Variants in GRIN2A observed in about 807,000 individuals in gnomAD.
GRIN2A encodes glutamate receptor ionotropic, NMDA 2A.
GRIN2A carries 22 observed loss-of-function variants against 113.4 expected under a neutral mutation model. The ratio of observed to expected loss-of-function variants is 0.19; its 90% confidence interval spans 0.14 to 0.28. The LOEUF (loss-of-function observed/expected upper bound fraction) is 0.28, where lower values mean the gene tolerates loss of function less well. GRIN2A is among the 10% of genes least tolerant of loss of function. The pLI is 1.00. For missense variants in GRIN2A, 1,502 were observed against 1,887.0 expected, an observed-to-expected ratio of 0.80 and a Z score of 3.78; for synonymous variants, 827 against 738.4, an observed-to-expected ratio of 1.12 and a Z score of -1.94.
At chr16:10,157,424 A>G (rs1386797506) in intron 2 of GRIN2A, among the ~76,000 whole-genome samples, 1 of 152,212 alleles carries the variant, frequency 6.6e-6, no homozygotes, top group East Asian at 1.9e-4. Context: ...AAAGGAGACA[A>G]TAATATACTG....
At chr16:10,172,667 G>C (rs986330859) in intron 2 of GRIN2A, among the ~76,000 whole-genome samples, 2 of 152,244 alleles carry the variant, frequency 1.3e-5, no homozygotes, top group African/African-American at 4.8e-5. Flanking sequence ...TGCCATAGGG[G>C]GAATCGGGGC....
chr16:9,774,650 T>C lies in GRIN2A; in HGVS notation c.2357-5561A>G, dbSNP rs1175044312. 2.6e-5 allele frequency among the ~76,000 whole-genome samples: 4 copies of C among 152,234 alleles called. No homozygotes were observed. The East Asian group carries it at 7.7e-4, about 29-fold the overall frequency. On this transcript the variant is annotated intron_variant, in intron 11 of 12. Coordinates refer to ENST00000330684, the MANE Select transcript of GRIN2A (RefSeq NM_001134407.3). ...TAGTTTACAGATGAGGGCACGCAGG[T>C]GCAGAGAGGTTAAGGAGTTTGCTTA...
chr16:9,873,949 A>T (rs991653906), intron 4 of GRIN2A, among the ~76,000 whole-genome samples: 1 of 152,226 alleles, frequency 6.6e-6, no homozygotes, highest in Non-Finnish European at 1.5e-5. Context: ...TGTTTGTTTC[A>T]ATGTTAAAGT....
At chr16:10,125,223 G>A (rs868608153) in intron 2 of GRIN2A, among the ~76,000 whole-genome samples, 5 of 152,160 alleles carry the variant, frequency 3.3e-5, no homozygotes, top group Non-Finnish European at 7.3e-5. Context: ...ACCTCTTGAC[G>A]CCTTCTACTT....
At chr16:9,961,908 T>C (rs901244224) in intron 2 of GRIN2A, among the ~76,000 whole-genome samples, 34 of 152,178 alleles carry the variant, frequency 2.2e-4, no homozygotes, top group Admixed American at 2.0e-3. Context: ...CAAAACAGCA[T>C]GGTACTGGTA....
intron 9 of GRIN2A, among the ~76,000 whole-genome samples, chr16:9,823,418 T>G (rs2042326051): frequency 6.6e-6 from 1 of 152,148 alleles, no homozygotes; most frequent in African/African-American, 2.4e-5. Flanking sequence ...ACCATGAAGA[T>G]CTCAACATAC....
intron 10 of GRIN2A, among the ~76,000 whole-genome samples, chr16:9,816,420 G>T (rs527521225): frequency 1.3e-5 from 2 of 152,286 alleles, no homozygotes; most frequent in East Asian, 3.9e-4. Flanking sequence ...GATCCTGAGA[G>T]CTGAAAACTG....
At chr16:9,860,445 CAAAAAAAAAAAAAA>C (rs35715098) in intron 4 of GRIN2A, among the ~76,000 whole-genome samples, 1 of 57,952 alleles carries the variant, frequency 1.7e-5, no homozygotes, top group East Asian at 6.2e-4. Flanking sequence ...AAGAGTCTCT[CAAAAAAAAAAAAAA>C]AAAAAAAAAA....
At chr16:9,992,999 T>C (rs1567222347) in intron 2 of GRIN2A, among the ~76,000 whole-genome samples, 1 of 151,958 alleles carries the variant, frequency 6.6e-6, no homozygotes, top group African/African-American at 2.4e-5. Flanking sequence ...ATGGATCACT[T>C]GAGGTCAGGA....
intron 10 of GRIN2A, among the ~76,000 whole-genome samples, chr16:9,820,094 A>G (rs1167120815): frequency 2.6e-5 from 4 of 152,128 alleles, no homozygotes; most frequent in Admixed American, 2.6e-4. Context: ...GCTTCCAGAA[A>G]CCAATTTGTA....
intron 2 of GRIN2A, among the ~76,000 whole-genome samples, chr16:10,024,198 A>C (rs893032037): frequency 2.6e-5 from 4 of 152,006 alleles, no homozygotes; most frequent in African/African-American, 7.3e-5. Flanking sequence ...ATGATGCACA[A>C]GTGGTCTCAT....
At chr16:10,029,694 C>G (rs2046892732) in intron 2 of GRIN2A, among the ~76,000 whole-genome samples, 1 of 151,860 alleles carries the variant, frequency 6.6e-6, no homozygotes, top group Non-Finnish European at 1.5e-5. Context: ...CGTAAGGCAG[C>G]CAATTAAAGT....
At chr16:10,087,993 G>A (rs1271737804) in intron 2 of GRIN2A, among the ~76,000 whole-genome samples, 1 of 151,224 alleles carries the variant, frequency 6.6e-6, no homozygotes, top group African/African-American at 2.4e-5. Context: ...CCTGGCCTTA[G>A]CAAATTCTAA....
intron 4 of GRIN2A, among the ~76,000 whole-genome samples, chr16:9,859,475 T>A (rs1362365889): frequency 6.6e-6 from 1 of 152,004 alleles, no homozygotes; most frequent in Non-Finnish European, 1.5e-5. Flanking sequence ...TACATGAACC[T>A]CTACATAAAA....
intron 10 of GRIN2A, among the ~76,000 whole-genome samples, chr16:9,814,071 G>C (rs2042141310): frequency 6.6e-6 from 1 of 152,090 alleles, no homozygotes; most frequent in African/African-American, 2.4e-5. Flanking sequence ...CTTTGCCTTG[G>C]GAATGCCAAT....
chr16:10,013,648 G>A lies in GRIN2A; in HGVS notation c.415-75097C>T, dbSNP rs1377176659. Among the ~76,000 whole-genome samples, 6 of 152,126 alleles carry A rather than the reference G, an allele frequency of 3.9e-5. No homozygotes were observed. The East Asian group carries it at 9.6e-4, about 24-fold the overall frequency. ...TCATTCTGTCTGACCCTTCTAAAAC[G>A]CAAAGATTGGTACCAACCAGCATCC... On this transcript the variant is annotated intron_variant, in intron 2 of 12. Transcript: ENST00000330684.
chr16:9,947,493 T>C (rs2045046611), intron 2 of GRIN2A, among the ~76,000 whole-genome samples: 1 of 152,026 alleles, frequency 6.6e-6, no homozygotes, highest in African/African-American at 2.4e-5. Context: ...TAAAAAGGAG[T>C]GTCTTGGGCT....
intron 4 of GRIN2A, among the ~76,000 whole-genome samples, chr16:9,852,212 T>G (rs138627589): frequency 6.6e-6 from 1 of 152,218 alleles, no homozygotes; most frequent in Non-Finnish European, 1.5e-5. Context: ...CAATAAGTGG[T>G]GGAACCAGAG....
At chr16:9,820,071 T>C (rs2042252908) in intron 10 of GRIN2A, among the ~76,000 whole-genome samples, 2 of 152,092 alleles carry the variant, frequency 1.3e-5, no homozygotes, top group African/African-American at 4.8e-5. Context: ...ATGGATGTTA[T>C]AATTATTATA....
Sources: allele counts gnomAD v4.1 joint callset (sites outside exome capture counted in the v4.1 genomes callset), GRCh38; gene constraint gnomAD v4.1.1; transcripts MANE v1.5; gene names NCBI Gene and HGNC (gene_info 2026-07-23, HGNC 2026-07-21).